The following SLIT2 variants were observed in gnomAD, a reference collection of about 807,000 sequenced individuals.
The protein encoded by SLIT2 is slit homolog 2 protein.
In SLIT2, 41 loss-of-function variants were observed where a neutral mutation model predicts 185.7. The ratio of observed to expected loss-of-function variants is 0.22; its 90% CI spans 0.17 to 0.29. The LOEUF (loss-of-function observed/expected upper bound fraction) is 0.29, where lower values mean the gene tolerates loss of function less well. Among genes scored for constraint, SLIT2 ranks in the 10% least tolerant of loss-of-function variants. The pLI, the probability that SLIT2 is intolerant of heterozygous loss-of-function variation, is 1.00. For synonymous variants in SLIT2, 693 were observed against 680.2 expected (o/e 1.02, Z -0.29); for missense variants, 1,571 against 1,909.0 (o/e 0.82, Z 3.30).
chr4:20,580,346 G>A (rs923186206), intron 29 of SLIT2, among the ~76,000 whole-genome samples: 6 of 151,562 alleles, frequency 4.0e-5, no homozygotes, highest in African/African-American at 1.2e-4. Context: ...TTGATATAAT[G>A]TAAAGTAATA....
chr4:20,339,090 C>CAAAAAAAAAAAAAAAAAAAA (rs398051113), intron 4 of SLIT2, among the ~76,000 whole-genome samples: 1 of 70,750 alleles, frequency 1.4e-5, no homozygotes, highest in Non-Finnish European at 2.5e-5. Context: ...GAGACACTCT[C>CAAAAAAAAAAAAAAAAAAAA]AAAAAAAAAA....
intron 4 of SLIT2, among the ~76,000 whole-genome samples, chr4:20,459,054 A>T (rs184149845): frequency 6.6e-6 from 1 of 152,142 alleles, no homozygotes; most frequent in East Asian, 1.9e-4. Context: ...ATTAGAGATT[A>T]TATGAAAGAG....
intron 4 of SLIT2, among the ~76,000 whole-genome samples, chr4:20,284,818 T>C (rs1404323677): frequency 6.6e-6 from 1 of 152,232 alleles, no homozygotes; most frequent in Non-Finnish European, 1.5e-5. Flanking sequence ...TTGCTTAATT[T>C]GCAAATAAAA....
intron 4 of SLIT2, among the ~76,000 whole-genome samples, chr4:20,377,052 A>G (rs932928856): frequency 1.3e-5 from 2 of 152,130 alleles, no homozygotes; most frequent in African/African-American, 4.8e-5. Context: ...AAAAAGAGAG[A>G]GAGAAAGTAT....
At chr4:20,566,219 G>T (rs1337422754) in intron 26 of SLIT2, among the ~76,000 whole-genome samples, 1 of 151,968 alleles carries the variant, frequency 6.6e-6, no homozygotes, top group East Asian at 1.9e-4. Context: ...TGTTCAATTA[G>T]AATTATTGCT....
At chr4:20,442,725 G>A (rs565583340) in intron 4 of SLIT2, among the ~76,000 whole-genome samples, 7 of 152,184 alleles carry the variant, frequency 4.6e-5, no homozygotes, top group African/African-American at 1.2e-4. Flanking sequence ...TTTCGTGTTC[G>A]GTGATGAGAT....
intron 15 of SLIT2, among the ~76,000 whole-genome samples, chr4:20,526,143 G>A (rs1721272459): frequency 1.3e-5 from 2 of 152,096 alleles, no homozygotes; most frequent in East Asian, 1.9e-4. Context: ...AGTGTACAGA[G>A]TTAGTCTAAC....
At chr4:20,342,004 A>C (rs1413291691) in intron 4 of SLIT2, among the ~76,000 whole-genome samples, 19 of 152,354 alleles carry the variant, frequency 1.2e-4, no homozygotes, top group Admixed American at 1.2e-3. Flanking sequence ...GAATTTATTA[A>C]TAATGATATT....
At chr4:20,395,759 T>TA (rs1725840682) in intron 4 of SLIT2, among the ~76,000 whole-genome samples, 3 of 152,056 alleles carry the variant, frequency 2.0e-5, no homozygotes, top group Admixed American at 2.0e-4. Context: ...CTTTAGCTGT[T>TA]AAAAATATGA....
At chr4:20,589,993 C>T (rs1727378234) in intron 30 of SLIT2, among the ~76,000 whole-genome samples, 1 of 149,432 alleles carries the variant, frequency 6.7e-6, no homozygotes, top group Admixed American at 6.7e-5. Context: ...ACAACCTCCT[C>T]CTCCCAGGTT....
chr4:20,323,791 G>A (rs1055151610), intron 4 of SLIT2, among the ~76,000 whole-genome samples: 5 of 152,140 alleles, frequency 3.3e-5, no homozygotes, highest in African/African-American at 7.2e-5. Flanking sequence ...TATGTCACTC[G>A]AACTACCATA....
chr4:20,316,190 G>A (rs959964108), intron 4 of SLIT2, among the ~76,000 whole-genome samples: 6 of 151,964 alleles, frequency 3.9e-5, no homozygotes, highest in African/African-American at 1.4e-4. Context: ...TTATTCAAAG[G>A]TCTTTTACCT....
intron 4 of SLIT2, among the ~76,000 whole-genome samples, chr4:20,428,808 G>C (rs368986854): frequency 6.6e-6 from 1 of 152,168 alleles, no homozygotes; most frequent in Non-Finnish European, 1.5e-5. Flanking sequence ...CATTTGTACA[G>C]TATTAATTTT....
intron 26 of SLIT2, among the ~76,000 whole-genome samples, chr4:20,563,298 G>A (rs963789830): frequency 1.3e-5 from 2 of 151,732 alleles, no homozygotes; most frequent in African/African-American, 4.8e-5. Flanking sequence ...TATCCCTGAA[G>A]CTACGTTTCC....
Position 20,381,362 on chromosome 4 carries a change from A to C in SLIT2, c.396-86390A>C, listed in dbSNP as rs1019721392. ...ATCATACAGAATAATAAATATAAGA[A>C]TAGCAGATTTCTTGTCAGAAACTAC... On this transcript the variant is annotated intron_variant, in intron 4 of 36. Transcript: ENST00000504154. 2.0e-5 allele frequency among the ~76,000 whole-genome samples: 3 copies of C among 152,280 alleles called. 1 individual carries two copies. The highest frequency in any genetic ancestry group is 6.5e-5 in the Admixed American group (1 of 15,276).
chr4:20,291,474 ATATATATATATATATATATTTTTTTTTTT>A (rs1316333887), intron 4 of SLIT2, among the ~76,000 whole-genome samples: 39 of 12,080 alleles, frequency 3.2e-3, no homozygotes, highest in African/African-American at 0.011. Context: ...ATATATATAT[ATATATATATATATATATATTTTTTTTTTT>A]TTTTTTTTTT....
intron 4 of SLIT2, among the ~76,000 whole-genome samples, chr4:20,392,900 T>C (rs796379790): frequency 3.5e-4 from 54 of 152,202 alleles, no homozygotes; most frequent in African/African-American, 1.2e-3. Flanking sequence ...CTTGAGGCCA[T>C]GTTACAGTTA....
intron 26 of SLIT2, among the ~76,000 whole-genome samples, chr4:20,560,554 G>A (rs1314606695): frequency 6.6e-6 from 1 of 151,864 alleles, no homozygotes; most frequent in African/African-American, 2.4e-5. Flanking sequence ...GAGTGATTAA[G>A]CAGTCTGCAA....
chr4:20,433,396 A>C (rs894069757), intron 4 of SLIT2, among the ~76,000 whole-genome samples: 1 of 152,234 alleles, frequency 6.6e-6, no homozygotes, highest in African/African-American at 2.4e-5. Flanking sequence ...ATAATGATTA[A>C]CTTAAATAAA....
Sources: gnomAD v4.1 joint callset for allele counts (sites outside exome capture counted in the v4.1 genomes callset) on GRCh38, gnomAD v4.1.1 for gene constraint, MANE v1.5 for transcripts, NCBI Gene and HGNC (gene_info 2026-07-23, HGNC 2026-07-21) for gene names.